B4GALT5: variants seen among roughly 807,000 people sequenced by gnomAD.
The protein encoded by B4GALT5 is UDP-Gal:beta-GlcNAc beta-1,4-galactosyltransferase 5.
Under a neutral mutation model 45.0 loss-of-function variants are expected in B4GALT5, and 11 were observed. The observed-to-expected ratio is 0.24, with a 90% CI of 0.15 to 0.40. The LOEUF is 0.40. B4GALT5 is among the 10% of genes least tolerant of loss of function. The pLI is 1.00. For synonymous variants in B4GALT5, 185 were observed against 182.9 expected (o/e 1.01, Z -0.09); for missense variants, 337 against 500.2 (o/e 0.67, Z 3.11).
At chr20:49,682,291 G>A (rs777607185) in intron 1 of B4GALT5, among the ~76,000 whole-genome samples, 1 of 152,164 alleles carries the variant, frequency 6.6e-6, no homozygotes, top group African/African-American at 2.4e-5. Context: ...CTACTGCTTC[G>A]GCATTGCAGG....
chr20:49,709,190 T>C lies in B4GALT5; in HGVS notation c.115+4386A>G, dbSNP rs995288350. 5.9e-5 allele frequency among the ~76,000 whole-genome samples: 9 copies of C among 152,116 alleles called. No homozygotes were observed. The South Asian group carries it at 8.3e-4, about 14-fold the overall frequency. Reference sequence around the variant, plus strand: ...CGGAAGTACTCTGAGCTCTCGGATTTTTTTTTAAGTTAACAGGTCATAAAT... The same window carrying C: ...CGGAAGTACTCTGAGCTCTCGGATTCTTTTTTAAGTTAACAGGTCATAAAT... On this transcript the variant is annotated intron_variant, in intron 1 of 8. Transcript: ENST00000371711.
chr20:49,709,489 C>T (rs572780408), intron 1 of B4GALT5, among the ~76,000 whole-genome samples: 9 of 152,154 alleles, frequency 5.9e-5, no homozygotes, highest in South Asian at 4.1e-4. Context: ...ACACAACTCC[C>T]GGCCAGGCAC....
rs2085828914 is a variant in B4GALT5, at chr20:49,694,359, G to A, written c.115+19217C>T. On this transcript the variant is annotated intron_variant, in intron 1 of 8. Transcript: ENST00000371711. ...TGTAACTTCCTCTTCCTAAATCAAA[G>A]GCAAATCAAAGTCTGGGCACGGTGG... is the stretch of plus-strand genomic sequence containing the variant. Among the ~76,000 whole-genome samples, 3 of 151,964 alleles carry A rather than the reference G, an allele frequency of 2.0e-5. No homozygotes were observed. In the South Asian group the frequency reaches 6.2e-4, roughly 32 times the overall value.
chr20:49,657,019 A>G (rs141640673), intron 1 of B4GALT5, among the ~76,000 whole-genome samples: 3 of 152,144 alleles, frequency 2.0e-5, no homozygotes, highest in African/African-American at 7.2e-5. Flanking sequence ...CAGAAGAAAG[A>G]CCTTTATGAA....
intron 1 of B4GALT5, among the ~76,000 whole-genome samples, chr20:49,658,470 A>G (rs1207422854): frequency 1.3e-5 from 2 of 152,178 alleles, no homozygotes; most frequent in Non-Finnish European, 1.5e-5. Flanking sequence ...ACATATTACT[A>G]AACCAGTTGT....
chr20:49,664,772 C>T (rs2085681938), intron 1 of B4GALT5, among the ~76,000 whole-genome samples: 1 of 152,110 alleles, frequency 6.6e-6, no homozygotes, highest in African/African-American at 2.4e-5. Context: ...TTAGAGGTTT[C>T]GCATCATGAT....
At chr20:49,698,854 G>A (rs1448126494) in intron 1 of B4GALT5, among the ~76,000 whole-genome samples, 2 of 152,118 alleles carry the variant, frequency 1.3e-5, no homozygotes, top group Non-Finnish European at 2.9e-5. Flanking sequence ...CCAAGAGTAT[G>A]GAGCACAAGA....
intron 1 of B4GALT5, among the ~76,000 whole-genome samples, chr20:49,659,807 C>G (rs932168062): frequency 4.0e-5 from 6 of 150,076 alleles, no homozygotes; most frequent in African/African-American, 1.3e-4. Context: ...CTTGTTTTTT[C>G]TTTTTTTCTT....
chr20:49,637,800 G>T (rs1352988652), intron 7 of B4GALT5, among the ~76,000 whole-genome samples: 1 of 151,718 alleles, frequency 6.6e-6, no homozygotes, highest in East Asian at 1.9e-4. Context: ...TTAGCCAGGC[G>T]TGGTGGTGCA....
intron 7 of B4GALT5, 22 bp from the exon 8 acceptor site, chr20:49,637,464 G>C (rs1468277228): frequency 6.3e-7 from 1 of 1,584,332 alleles, no homozygotes; most frequent in Non-Finnish European, 8.7e-7. Context: ...CAAGAGAACA[G>C]GCTTTTAGAT....
chr20:49,712,627 T>A (rs1279424807), intron 1 of B4GALT5, among the ~76,000 whole-genome samples: 1 of 152,070 alleles, frequency 6.6e-6, no homozygotes, highest in Non-Finnish European at 1.5e-5. Flanking sequence ...CTACGGACAA[T>A]TTAAACTTCT....
At chr20:49,664,128 A>C (rs1482865056) in intron 1 of B4GALT5, among the ~76,000 whole-genome samples, 1 of 152,054 alleles carries the variant, frequency 6.6e-6, no homozygotes, top group Non-Finnish European at 1.5e-5. Flanking sequence ...TATTAGAACA[A>C]CCTACAGTTC....
At chr20:49,659,969 G>A (rs1398349004) in intron 1 of B4GALT5, among the ~76,000 whole-genome samples, 1 of 151,914 alleles carries the variant, frequency 6.6e-6, no homozygotes, top group Non-Finnish European at 1.5e-5. Context: ...TCATAGAGAC[G>A]GGGTTTCAGC....
At chr20:49,688,919 A>G (rs1381646811) in intron 1 of B4GALT5, among the ~76,000 whole-genome samples, 3 of 150,580 alleles carry the variant, frequency 2.0e-5, no homozygotes, top group South Asian at 2.1e-4. Flanking sequence ...CCTGGGTAAC[A>G]AGAGTGAAAC....
At chr20:49,686,169 G>A (rs1340570554) in intron 1 of B4GALT5, among the ~76,000 whole-genome samples, 3 of 152,240 alleles carry the variant, frequency 2.0e-5, no homozygotes, top group African/African-American at 7.2e-5. Context: ...GTAGTGTCAT[G>A]CCATTCAAAA....
chr20:49,679,064 A>G (rs58610826), intron 1 of B4GALT5, among the ~76,000 whole-genome samples: 1 of 152,132 alleles, frequency 6.6e-6, no homozygotes, highest in Middle Eastern at 3.2e-3. Context: ...ACAAAAGGAG[A>G]GAAGAATGGA....
intron 1 of B4GALT5, among the ~76,000 whole-genome samples, chr20:49,665,013 C>T (rs1601257403): frequency 6.6e-6 from 1 of 152,282 alleles, no homozygotes; most frequent in East Asian, 1.9e-4. Context: ...TGTGTTGCAA[C>T]TGCCAGGTTA....
chr20:49,668,947 A>G (rs2085704092), intron 1 of B4GALT5, among the ~76,000 whole-genome samples: 1 of 151,904 alleles, frequency 6.6e-6, no homozygotes, highest in African/African-American at 2.4e-5. Flanking sequence ...CTGCAACCTC[A>G]ACTTCCTTGG....
In B4GALT5 at chr20:49,649,473, G is replaced by A. The variant is rs8125243; in HGVS notation, c.251-2395C>T. ...TGCGCGCCTGTGGTCCCAGCTACTC[G>A]GGAGGCTGAGGCAGGAGGATCACCT... On this transcript the variant is annotated intron_variant, in intron 2 of 8. Coordinates refer to ENST00000371711, the MANE Select transcript of B4GALT5 (RefSeq NM_004776.4). Among the ~76,000 whole-genome samples the A allele has an allele frequency of 7.7e-3, 1,172 of 152,060 alleles. 14 individuals carry two copies. The highest frequency in any genetic ancestry group is 0.027 in the African/African-American group (1,124 of 41,472).
Sources: allele counts gnomAD v4.1 joint callset (sites outside exome capture counted in the v4.1 genomes callset), GRCh38; gene constraint gnomAD v4.1.1; transcripts MANE v1.5; gene names NCBI Gene and HGNC (gene_info 2026-07-23, HGNC 2026-07-21).